DCN: variants seen among roughly 807,000 people sequenced by gnomAD.
The protein encoded by DCN is decorin.
A neutral mutation model predicts 36.5 loss-of-function variants in DCN; 17 were observed. The observed-to-expected ratio is 0.47, with a 90% CI of 0.32 to 0.70. DCN has a LOEUF of 0.70. Among genes scored for constraint, DCN ranks in the 30% least tolerant of loss-of-function variants. The pLI is 0.04. For missense variants in DCN, 389 were observed against 430.1 expected, an observed-to-expected ratio of 0.90 and a Z score of 0.84; for synonymous variants, 163 against 161.4, an observed-to-expected ratio of 1.01 and a Z score of -0.07.
intron 2 of DCN, chr12:91,175,801 A>G (rs1883253342): frequency 6.6e-6 from 1 of 152,138 alleles, no homozygotes; most frequent in Admixed American, 6.6e-5. Context: ...TGCTTAGATC[A>G]CTAGAGGACA....
In DCN at chr12:91,167,398, TA is replaced by T. The variant is rs143269154; in HGVS notation, c.212-2682del. 7.3e-3 allele frequency among the ~76,000 whole-genome samples: 1,048 copies of T among 142,862 alleles called. 4 individuals carry two copies. The highest frequency in any genetic ancestry group is 0.011 in the Non-Finnish European group (681 of 64,648). 93.7% of individuals were successfully genotyped at this position (142,862 alleles called of 152,430 possible). On this transcript the variant is annotated intron_variant, in intron 2 of 7. Coordinates refer to ENST00000052754, the MANE Select transcript of DCN (RefSeq NM_001920.5). ...AGGTTTTTAGCAATCCATATCAAAA[TA>T]AAAAAAAAACAATAAAAGCAGTGTG...
intron 3 of DCN, among the ~76,000 whole-genome samples, chr12:91,162,553 T>C (rs944122900): frequency 6.6e-6 from 1 of 152,176 alleles, no homozygotes; most frequent in Non-Finnish European, 1.5e-5. Flanking sequence ...AATTATTTTC[T>C]ATAATGACTA....
chr12:91,148,721 CAAAAA>C (rs5799978), intron 7 of DCN, among the ~76,000 whole-genome samples: 24 of 49,472 alleles, frequency 4.9e-4, no homozygotes, highest in East Asian at 1.4e-3. Flanking sequence ...CGCTCCGACT[CAAAAA>C]AAAAAAAAAA....
chr12:91,174,970 T>G (rs1049703159), intron 2 of DCN: 2 of 152,080 alleles, frequency 1.3e-5, no homozygotes, highest in Admixed American at 1.3e-4. Flanking sequence ...AAAGAGTACC[T>G]AAGTAAGGGA....
At chr12:91,146,791 A>C (rs1447943350) in intron 7 of DCN, among the ~76,000 whole-genome samples, 1 of 152,186 alleles carries the variant, frequency 6.6e-6, no homozygotes, top group Non-Finnish European at 1.5e-5. Context: ...TGCTCAGGCT[A>C]TATACATTGT....
intron 4 of DCN, among the ~76,000 whole-genome samples, chr12:91,157,523 T>TAAAA (rs1881866847): frequency 6.6e-6 from 1 of 152,228 alleles, no homozygotes; most frequent in Admixed American, 6.5e-5. Context: ...ATTCCCATCT[T>TAAAA]ACGTTATTTA....
chr12:91,149,085 A>G (rs1289340883), intron 7 of DCN, among the ~76,000 whole-genome samples: 18 of 152,062 alleles, frequency 1.2e-4, no homozygotes, highest in Non-Finnish European at 2.5e-4. Context: ...TAGATTCCAA[A>G]CTCATTCTAT....
In DCN at chr12:91,178,434, A is replaced by G. The variant is rs1205508349; in HGVS notation, c.119T>C (p.Val40Ala). 7 of 1,613,742 alleles carry G rather than the reference A, an allele frequency of 4.3e-6. No individual in the cohort carries two copies. In the Admixed American group the frequency reaches 5.0e-5, roughly 12 times the overall value. Residue 40 changes from valine to alanine, a missense_variant, in exon 2 of 8, where the codon GTT (valine) becomes GCT (alanine). Val to Ala is a moderately conservative substitution (Grantham distance 64). Coordinates refer to ENST00000052754, the MANE Select transcript of DCN (RefSeq NM_001920.5). ...GGGCTCGAAGTCGCGGTCATCAGGA[A>G]CTTCTGGGCCTATCCCAGAAGCCTC... ...EDEASGIGPE[V>A]PDDRDFEPSL...
intron 7 of DCN, chr12:91,151,433 C>T (rs1881407331): frequency 1.9e-6 from 1 of 537,876 alleles, no homozygotes; most frequent in Admixed American, 3.1e-5. Context: ...CTTTAAGTTT[C>T]ATCTCCATAC....
intron 7 of DCN, among the ~76,000 whole-genome samples, chr12:91,147,593 G>C (rs1881110741): frequency 6.6e-6 from 1 of 152,080 alleles, no homozygotes; most frequent in African/African-American, 2.4e-5. Context: ...AGGTCTACAT[G>C]ACTATATTGG....
chr12:91,171,621 T>C (rs1425683221), intron 2 of DCN, among the ~76,000 whole-genome samples: 1 of 152,028 alleles, frequency 6.6e-6, no homozygotes, highest in Non-Finnish European at 1.5e-5. Context: ...CCAGGGGCCA[T>C]AGGAAAAAAG....
chr12:91,174,606 T>G (rs1883180749), intron 2 of DCN, among the ~76,000 whole-genome samples: 1 of 152,084 alleles, frequency 6.6e-6, no homozygotes, highest in Non-Finnish European at 1.5e-5. Context: ...TTTTCTATTC[T>G]TACCCAGTGA....
intron 2 of DCN, 56 bp downstream of exon 2, chr12:91,178,286 C>T: frequency 2.0e-6 from 3 of 1,464,778 alleles, no homozygotes; most frequent in Admixed American, 3.3e-5. Flanking sequence ...CTCAGAGTTG[C>T]CATTCCCAAG....
chr12:91,155,501 G>T (rs886707277), intron 5 of DCN, among the ~76,000 whole-genome samples: 1 of 152,118 alleles, frequency 6.6e-6, no homozygotes, highest in Non-Finnish European at 1.5e-5. Context: ...ATGATAAAAG[G>T]TATCAGTGAA....
rs1206612200 is a variant in DCN at position 91,157,145 on chromosome 12, C to T, written c.582G>A (p.Gly194=). 1.2e-6 allele frequency: 2 copies of T among 1,613,882 alleles called. No homozygotes were observed. Among genetic ancestry groups the T allele is most frequent in the Admixed American group, 1.7e-5 (1 of 60,008 alleles). ...AGAGCTTCTTCATTCCCTGGAAAGC[C>T]CCATTTTCAATTCCTGAGCTCTTCA... ...NPLKSSGIEN[G]AFQGMKKLSY... is the part of the protein sequence containing the mutation. Residue 194 remains glycine (G), a synonymous_variant, in exon 5 of 8, where the codon GGG becomes GGA. Coordinates refer to ENST00000052754, the MANE Select transcript of DCN (RefSeq NM_001920.5).
In DCN at chr12:91,140,831, T is replaced by A. The variant is rs1250109830; in HGVS notation, c.*5227A>T. ...GCTCAACCTCCCAGTCATTACCATC[T>A]CAGTAAATGGTGACTTCATCCTTCC... On this transcript the variant is annotated 3_prime_UTR_variant, in exon 8 of 8. Coordinates refer to ENST00000052754, the MANE Select transcript of DCN (RefSeq NM_001920.5). The A allele has an allele frequency of 6.6e-6, 1 of 152,224 alleles. No individual in the cohort carries two copies. Among genetic ancestry groups the A allele is most frequent in the Non-Finnish European group, 1.5e-5 (1 of 68,060 alleles). The allele number at this position is 152,224 out of a possible 1,614,324, so 9.4% of individuals were successfully genotyped here.
intron 4 of DCN, among the ~76,000 whole-genome samples, chr12:91,157,455 A>G (rs1223523713): frequency 6.6e-6 from 1 of 152,210 alleles, no homozygotes; most frequent in Non-Finnish European, 1.5e-5. Context: ...CAATACCAAT[A>G]AAATTATTTA....
intron 2 of DCN, among the ~76,000 whole-genome samples, chr12:91,170,195 A>G (rs1354435760): frequency 6.6e-6 from 1 of 152,166 alleles, no homozygotes; most frequent in Non-Finnish European, 1.5e-5. Flanking sequence ...CTCCTACCAT[A>G]GTGCATAGCA....
At chr12:91,167,054 A>T (rs1320576570) in intron 2 of DCN, among the ~76,000 whole-genome samples, 1 of 152,214 alleles carries the variant, frequency 6.6e-6, no homozygotes, top group Non-Finnish European at 1.5e-5. Flanking sequence ...TCATAACATG[A>T]ACAAGCTTAT....
Sources: allele counts gnomAD v4.1 joint callset (sites outside exome capture counted in the v4.1 genomes callset), GRCh38; gene constraint gnomAD v4.1.1; transcripts MANE v1.5; gene names NCBI Gene and HGNC (gene_info 2026-07-23, HGNC 2026-07-21).